ADGRL4: variants seen among roughly 807,000 people sequenced by gnomAD.
The protein encoded by ADGRL4 is EGF, latrophilin and seven transmembrane domain containing 1.
Under a neutral mutation model 74.8 loss-of-function variants are expected in ADGRL4, and 90 were observed. The observed-to-expected ratio is 1.20, with a 90% confidence interval of 1.02 to 1.43. ADGRL4 has a LOEUF of 1.43. Among genes scored for constraint, ADGRL4 ranks in the 40% most tolerant of loss-of-function variants. The pLI is 0.00. For missense variants in ADGRL4, 881 were observed against 814.3 expected (o/e 1.08, Z -1.00); for synonymous variants, 311 against 279.2 (o/e 1.11, Z -1.14).
chr1:78,895,655 G>C (rs1041903137), intron 12 of ADGRL4, among the ~76,000 whole-genome samples: 1 of 152,092 alleles, frequency 6.6e-6, no homozygotes, highest in Non-Finnish European at 1.5e-5. Flanking sequence ...AATCTTCAAG[G>C]CTTGAGGAGC....
At chr1:78,900,655 C>T (rs978473748) in intron 12 of ADGRL4, among the ~76,000 whole-genome samples, 5 of 151,948 alleles carry the variant, frequency 3.3e-5, no homozygotes, top group Non-Finnish European at 7.4e-5. Context: ...GAAAGGGTGT[C>T]GCACCTCTCC....
intron 6 of ADGRL4, among the ~76,000 whole-genome samples, chr1:78,936,667 T>A (rs926085530): frequency 1.3e-5 from 2 of 152,160 alleles, no homozygotes; most frequent in Admixed American, 6.5e-5. Flanking sequence ...AATATGTGTA[T>A]GTAACCAAGC....
chr1:78,899,922 T>C (rs1406772458), intron 12 of ADGRL4, among the ~76,000 whole-genome samples: 1 of 152,152 alleles, frequency 6.6e-6, no homozygotes, highest in Non-Finnish European at 1.5e-5. Context: ...CCTGTGAATA[T>C]GGCAAAAGGG....
rs1648909757 is a variant in ADGRL4 at position 78,917,816 on chromosome 1, T to A, written c.1682+14A>T. On this transcript the variant is annotated intron_variant, in intron 11 of 14. Coordinates refer to ENST00000370742, the MANE Select transcript of ADGRL4 (RefSeq NM_022159.4). Reference sequence around the variant, plus strand: ...AATCGTATTTCAAATGCTCATGAAATCATTTTAACTTACACTTTGGTTGTG... The same window carrying A: ...AATCGTATTTCAAATGCTCATGAAAACATTTTAACTTACACTTTGGTTGTG... 11 of 1,608,226 alleles carry A rather than the reference T, an allele frequency of 6.8e-6. No individual in the cohort carries two copies. Among genetic ancestry groups the A allele is most frequent in the Non-Finnish European group, 9.4e-6 (11 of 1,175,526 alleles).
At chr1:78,953,797 T>C (rs1380740443) in intron 2 of ADGRL4, among the ~76,000 whole-genome samples, 2 of 152,148 alleles carry the variant, frequency 1.3e-5, no homozygotes, top group Non-Finnish European at 2.9e-5. Context: ...CATGAACACA[T>C]AACACAAGTG....
At chr1:78,985,744 C>A (rs1048609026) in intron 2 of ADGRL4, among the ~76,000 whole-genome samples, 4 of 151,792 alleles carry the variant, frequency 2.6e-5, no homozygotes, top group African/African-American at 9.6e-5. Context: ...TAGCACTATT[C>A]ACAACAATAG....
intron 12 of ADGRL4, among the ~76,000 whole-genome samples, chr1:78,905,867 T>G (rs574458994): frequency 6.6e-6 from 1 of 152,164 alleles, no homozygotes; most frequent in East Asian, 1.9e-4. Flanking sequence ...AAAATTACAT[T>G]TTTATTTTGT....
At chr1:78,963,910 T>C (rs1331573014) in intron 2 of ADGRL4, among the ~76,000 whole-genome samples, 1 of 152,132 alleles carries the variant, frequency 6.6e-6, no homozygotes, top group Admixed American at 6.6e-5. Flanking sequence ...AAATTGAAAA[T>C]GACACTGAGT....
At chr1:78,913,291 A>G (rs140117189) in intron 12 of ADGRL4, among the ~76,000 whole-genome samples, 1 of 152,082 alleles carries the variant, frequency 6.6e-6, no homozygotes, top group African/African-American at 2.4e-5. Flanking sequence ...TACTTGGTAT[A>G]TACCCAAAAG....
intron 3 of ADGRL4, among the ~76,000 whole-genome samples, chr1:78,942,554 A>G (rs1394606200): frequency 6.6e-6 from 1 of 152,210 alleles, no homozygotes; most frequent in Non-Finnish European, 1.5e-5. Flanking sequence ...CACTTTCCTC[A>G]CTACCAACTT....
chr1:78,960,284 GTATA>G (rs1649923792), intron 2 of ADGRL4, among the ~76,000 whole-genome samples: 4 of 151,938 alleles, frequency 2.6e-5, no homozygotes, highest in African/African-American at 9.7e-5. Flanking sequence ...AACCATACCT[GTATA>G]CATGGCACTT....
chr1:78,961,158 T>G (rs1649943561), intron 2 of ADGRL4, among the ~76,000 whole-genome samples: 1 of 152,068 alleles, frequency 6.6e-6, no homozygotes, highest in African/African-American at 2.4e-5. Flanking sequence ...CTTGGCTCAC[T>G]GCAACCTCCG....
intron 12 of ADGRL4, among the ~76,000 whole-genome samples, chr1:78,900,704 G>A (rs555792966): frequency 1.3e-5 from 2 of 152,110 alleles, no homozygotes; most frequent in African/African-American, 4.8e-5. Flanking sequence ...ATGTGAAGAC[G>A]TACTTGCTTT....
chr1:78,908,192 G>T (rs919597548), intron 12 of ADGRL4, among the ~76,000 whole-genome samples: 24 of 151,940 alleles, frequency 1.6e-4, no homozygotes, highest in African/African-American at 5.1e-4. Flanking sequence ...TCAAAGAAAG[G>T]CTCCCTCTTG....
intron 6 of ADGRL4, among the ~76,000 whole-genome samples, chr1:78,937,248 C>T (rs1330827151): frequency 6.6e-6 from 1 of 152,088 alleles, no homozygotes; most frequent in Non-Finnish European, 1.5e-5. Context: ...GGTTCGAGAC[C>T]AGCCTGGCCA....
intron 2 of ADGRL4, among the ~76,000 whole-genome samples, chr1:78,974,125 G>A (rs573308252): frequency 3.9e-5 from 6 of 151,964 alleles, no homozygotes; most frequent in Non-Finnish European, 7.4e-5. Context: ...CCTCAAACAC[G>A]CATATAAATG....
intron 2 of ADGRL4, among the ~76,000 whole-genome samples, chr1:78,960,982 G>A (rs755958045): frequency 6.6e-6 from 1 of 152,064 alleles, no homozygotes; most frequent in African/African-American, 2.4e-5. Flanking sequence ...TGCATTTTAT[G>A]CACCCATATT....
intron 12 of ADGRL4, among the ~76,000 whole-genome samples, chr1:78,909,965 A>G (rs1216615061): frequency 6.6e-6 from 1 of 151,884 alleles, no homozygotes; most frequent in Non-Finnish European, 1.5e-5. Flanking sequence ...AGAGGGTAGA[A>G]CTGTATATTC....
At chr1:78,942,204 C>T (rs575663139) in intron 3 of ADGRL4, among the ~76,000 whole-genome samples, 4 of 142,702 alleles carry the variant, frequency 2.8e-5, no homozygotes, top group Non-Finnish European at 4.6e-5. Context: ...AAAAAAGACA[C>T]CTTCTAATCC....
Sources: gnomAD v4.1 joint callset for allele counts (sites outside exome capture counted in the v4.1 genomes callset) on GRCh38, gnomAD v4.1.1 for gene constraint, MANE v1.5 for transcripts, NCBI Gene and HGNC (gene_info 2026-07-23, HGNC 2026-07-21) for gene names.